Variants in NDNF observed in about 807,000 individuals in gnomAD.
NDNF encodes neuron derived neurotrophic factor.
Under a neutral mutation model 42.0 loss-of-function variants are expected in NDNF, and 16 were observed. That is an observed-to-expected ratio of 0.38 (90% CI 0.26 to 0.58). The LOEUF is 0.58. Ranked by LOEUF, NDNF falls within the 20% of genes least tolerant of loss-of-function variation. NDNF has a pLI of 0.67. For synonymous variants in NDNF, 248 were observed against 251.7 expected (o/e 0.99, Z 0.14); for missense variants, 616 against 666.2 (o/e 0.92, Z 0.83).
chr4:121,069,952 C>A (rs1180934474), intron 1 of NDNF, among the ~76,000 whole-genome samples: 1 of 152,054 alleles, frequency 6.6e-6, no homozygotes, highest in Non-Finnish European at 1.5e-5. Context: ...AATTATGTTG[C>A]CAAGTTTTTT....
chr4:121,055,525 T>C (rs1579317633), intron 1 of NDNF, among the ~76,000 whole-genome samples: 1 of 151,358 alleles, frequency 6.6e-6, no homozygotes, highest in South Asian at 2.1e-4. Flanking sequence ...TTAAGCAGAA[T>C]TTTCAGGTGG....
At chr4:121,057,597 G>C (rs905169662) in intron 1 of NDNF, among the ~76,000 whole-genome samples, 1 of 152,184 alleles carries the variant, frequency 6.6e-6, no homozygotes, top group African/African-American at 2.4e-5. Context: ...AAACGGATTA[G>C]AGGCTCTCCG....
chr4:121,061,651 C>G (rs1218246445), intron 1 of NDNF, among the ~76,000 whole-genome samples: 1 of 152,044 alleles, frequency 6.6e-6, no homozygotes, highest in East Asian at 1.9e-4. Context: ...TTGGTCTGTT[C>G]TTTACTCCCC....
chr4:121,040,696 G>C (rs1022151021), intron 2 of NDNF, among the ~76,000 whole-genome samples: 16 of 152,310 alleles, frequency 1.1e-4, no homozygotes, highest in Middle Eastern at 3.4e-3. Flanking sequence ...AGGCAGGAGT[G>C]CAGTGGCGTG....
chr4:121,059,832 G>A (rs1264315091), intron 1 of NDNF, among the ~76,000 whole-genome samples: 5 of 152,110 alleles, frequency 3.3e-5, no homozygotes, highest in African/African-American at 9.7e-5. Context: ...CCTTTCTAAC[G>A]GGCTCCCAGG....
Position 121,037,411 on chromosome 4 carries a change from A to C in NDNF, c.560T>G (p.Leu187Arg), listed in dbSNP as rs1407708631. The C allele has an allele frequency of 6.2e-7, 1 of 1,614,162 alleles. No individual in the cohort carries two copies. Among genetic ancestry groups the C allele is most frequent in the Admixed American group, 1.7e-5 (1 of 60,012 alleles). ...GGCCAAAGTGACCGTGGTGCGCCCCAGTGAGGTCACATCTACTCTTGGGTC... is the reference window on the plus strand; with the variant it reads ...GGCCAAAGTGACCGTGGTGCGCCCCCGTGAGGTCACATCTACTCTTGGGTC... ...PYDPRVDVTS[L>R]GRTTVTLAWK... Residue 187 changes from leucine to arginine, a missense_variant, in exon 4 of 4, where the codon CTG becomes CGG. Coordinates refer to ENST00000379692, the MANE Select transcript of NDNF (RefSeq NM_024574.4).
intron 1 of NDNF, among the ~76,000 whole-genome samples, chr4:121,066,432 T>C (rs761495302): frequency 1.9e-4 from 29 of 152,202 alleles, no homozygotes; most frequent in Non-Finnish European, 3.7e-4. Context: ...AACAGCTAAA[T>C]TGGACAAAGT....
chr4:121,068,287 C>T (rs934842499), intron 1 of NDNF, among the ~76,000 whole-genome samples: 5 of 152,022 alleles, frequency 3.3e-5, no homozygotes, highest in African/African-American at 1.2e-4. Flanking sequence ...CAGAATTTAT[C>T]CTAACTTCAG....
At position 121,065,886 on chromosome 4, in the gene NDNF, A is replaced by T. The variant is rs575303977; in HGVS notation, c.-2+6107T>A. ...AGTTTACCCATTTCCCATTGCAGAG[A>T]TATTTTCATATTTATAGAGGACACT... On this transcript the variant is annotated intron_variant, in intron 1 of 3. Transcript: ENST00000379692. Among the ~76,000 whole-genome samples, 5 of 152,236 alleles carry T rather than the reference A, an allele frequency of 3.3e-5. No homozygotes were observed. In the East Asian group the frequency reaches 9.6e-4, roughly 29 times the overall value.
At chr4:121,050,452 CT>C (rs1727174580) in intron 1 of NDNF, among the ~76,000 whole-genome samples, 1 of 152,150 alleles carries the variant, frequency 6.6e-6, no homozygotes, top group Admixed American at 6.5e-5. Context: ...TAAGCACTTT[CT>C]TTTTTCATGG....
intron 1 of NDNF, among the ~76,000 whole-genome samples, chr4:121,057,945 AG>A: frequency 6.6e-6 from 1 of 152,334 alleles, no homozygotes; most frequent in Non-Finnish European, 1.5e-5. Flanking sequence ...GAGGCCAATA[AG>A]GTGGAATTAC....
chr4:121,042,389 T>C (rs551473776), intron 2 of NDNF, among the ~76,000 whole-genome samples: 41 of 152,338 alleles, frequency 2.7e-4, no homozygotes, highest in Non-Finnish European at 5.4e-4. Context: ...CATTCAAAGA[T>C]GCTTTTGGAG....
At chr4:121,040,091 C>T (rs760323173) in intron 2 of NDNF, 37 bp from the exon 3 acceptor site, 1 of 1,585,682 alleles carries the variant, frequency 6.3e-7, no homozygotes, top group African/African-American at 1.4e-5. Flanking sequence ...CGTGGTAATT[C>T]TTTCTAACAT....
intron 1 of NDNF, among the ~76,000 whole-genome samples, chr4:121,050,885 A>T (rs1026739400): frequency 6.6e-6 from 1 of 152,150 alleles, no homozygotes; most frequent in African/African-American, 2.4e-5. Flanking sequence ...TTGGAATGCC[A>T]ATATCCTACA....
At chr4:121,037,701 C>G in intron 3 of NDNF, 44 bp from the exon 4 acceptor site, 1 of 1,447,300 alleles carries the variant, frequency 6.9e-7, no homozygotes, top group South Asian at 1.4e-5. Context: ...AGGGCATACA[C>G]TGTGGCTTGC....
intron 1 of NDNF, among the ~76,000 whole-genome samples, chr4:121,068,727 G>A (rs1727540784): frequency 6.6e-6 from 1 of 152,162 alleles, no homozygotes; most frequent in African/African-American, 2.4e-5. Flanking sequence ...CAGAGAGAGA[G>A]AGAGAGAGCA....
In NDNF at chr4:121,037,607, C is replaced by T; in HGVS notation, c.364G>A (p.Gly122Ser). Residue 122 changes from glycine to serine, a missense_variant, in exon 4 of 4, where the codon GGC becomes AGC. Physicochemically the swap from Gly to Ser is moderately conservative, Grantham distance 56. Transcript: ENST00000379692. ...CCTTTGTAGGAGAATAACTCAGTGC[C>T]TTCCTCATTAATGATCTGCTGCTTC... The part of the protein sequence containing the change: ...QQKQQIINEE[G>S]TELFSYKGND... 6.2e-7 allele frequency: 1 copy of T among 1,605,628 alleles called. No homozygotes were observed. The highest frequency in any genetic ancestry group is 8.5e-7 in the Non-Finnish European group (1 of 1,178,220).
chr4:121,040,068 G>T lies in NDNF; in HGVS notation c.189-14C>A. On this transcript the variant is annotated splice_polypyrimidine_tract_variant and intron_variant, in intron 2 of 3. Coordinates refer to ENST00000379692, the MANE Select transcript of NDNF (RefSeq NM_024574.4). ...ACAAAGAAATACCTGTGGGAAAGTG[G>T]ACCACTTTAGACCGTGGTAATTCTT... 1 of 1,607,568 alleles carries T rather than the reference G, an allele frequency of 6.2e-7. No homozygotes were observed. The highest frequency in any genetic ancestry group is 2.2e-5 in the East Asian group (1 of 44,484).
At chr4:121,041,519 C>T (rs1055264498) in intron 2 of NDNF, among the ~76,000 whole-genome samples, 3 of 152,188 alleles carry the variant, frequency 2.0e-5, no homozygotes, top group African/African-American at 7.2e-5. Flanking sequence ...TACCTATGCT[C>T]ACTCCCTGTG....
Sources: gnomAD v4.1 joint callset for allele counts (sites outside exome capture counted in the v4.1 genomes callset) on GRCh38, gnomAD v4.1.1 for gene constraint, MANE v1.5 for transcripts, NCBI Gene and HGNC (gene_info 2026-07-23, HGNC 2026-07-21) for gene names.